GMDS: variants seen among roughly 807,000 people sequenced by gnomAD.
GMDS encodes GDP-mannose 4,6 dehydratase.
GMDS carries 20 observed loss-of-function variants against 49.9 expected under a neutral mutation model. The observed-to-expected ratio is 0.40, with a 90% CI of 0.28 to 0.58. The LOEUF is 0.58. Ranked by LOEUF, GMDS falls within the 20% of genes least tolerant of loss-of-function variation. The pLI, the probability that GMDS is intolerant of heterozygous loss-of-function variation, is 0.42. For synonymous variants in GMDS, 177 were observed against 178.6 expected, an observed-to-expected ratio of 0.99 and a Z score of 0.07; for missense variants, 362 against 481.4, an observed-to-expected ratio of 0.75 and a Z score of 2.32.
intron 2 of GMDS, among the ~76,000 whole-genome samples, chr6:2,122,592 C>T (rs886661337): frequency 1.5e-4 from 23 of 152,306 alleles, no homozygotes; most frequent in Non-Finnish European, 2.9e-4. Flanking sequence ...TTTACTTTGA[C>T]CTAAGCATAA....
intron 4 of GMDS, among the ~76,000 whole-genome samples, chr6:2,035,785 C>T (rs1157866819): frequency 2.0e-5 from 3 of 152,082 alleles, no homozygotes; most frequent in Admixed American, 1.3e-4. Context: ...CTCCCAAGTT[C>T]AAGTGATTCT....
At chr6:2,189,103 T>C (rs1383923159) in intron 1 of GMDS, among the ~76,000 whole-genome samples, 2 of 151,720 alleles carry the variant, frequency 1.3e-5, no homozygotes, top group African/African-American at 4.9e-5. Flanking sequence ...GACTGCAAAA[T>C]ACCAAGTGAG....
At chr6:1,761,415 T>C (rs559861778) in intron 7 of GMDS, among the ~76,000 whole-genome samples, 1 of 152,326 alleles carries the variant, frequency 6.6e-6, no homozygotes, top group African/African-American at 2.4e-5. Flanking sequence ...ACATTTATTT[T>C]TTGGTGACTA....
intron 1 of GMDS, among the ~76,000 whole-genome samples, chr6:2,145,471 G>C (rs1776506747): frequency 1.3e-5 from 2 of 152,004 alleles, no homozygotes; most frequent in African/African-American, 2.4e-5. Context: ...CCAGGAGATG[G>C]AGGTTGCAGT....
chr6:2,200,084 A>T (rs534110607), intron 1 of GMDS, among the ~76,000 whole-genome samples: 19 of 152,324 alleles, frequency 1.2e-4, no homozygotes, highest in African/African-American at 4.3e-4. Context: ...TTAAACAAAT[A>T]TTTATTGCAC....
chr6:1,631,773 C>T (rs1358194466), intron 9 of GMDS, among the ~76,000 whole-genome samples: 5 of 152,206 alleles, frequency 3.3e-5, no homozygotes, highest in African/African-American at 9.6e-5. Context: ...CCCTCAGCCA[C>T]TTCTTAAGCA....
chr6:1,998,483 T>C (rs1048975662), intron 4 of GMDS, among the ~76,000 whole-genome samples: 3 of 152,212 alleles, frequency 2.0e-5, no homozygotes, highest in Admixed American at 2.0e-4. Context: ...ATTACACAAA[T>C]CTGAGGAAAA....
chr6:1,749,342 C>G (rs527980311), intron 7 of GMDS, among the ~76,000 whole-genome samples: 1 of 152,166 alleles, frequency 6.6e-6, no homozygotes, highest in South Asian at 2.1e-4. Context: ...AATCTTAGCA[C>G]TTTGGGAGGC....
At chr6:2,002,421 T>C (rs1766881850) in intron 4 of GMDS, among the ~76,000 whole-genome samples, 1 of 152,216 alleles carries the variant, frequency 6.6e-6, no homozygotes, top group Admixed American at 6.5e-5. Flanking sequence ...AAAAAATGTG[T>C]CAACTTCTGT....
At chr6:1,820,497 G>A (rs1770846353) in intron 7 of GMDS, among the ~76,000 whole-genome samples, 1 of 152,120 alleles carries the variant, frequency 6.6e-6, no homozygotes, top group Non-Finnish European at 1.5e-5. Context: ...ATAAAATTTA[G>A]AATAACTTTT....
chr6:1,928,562 C>T (rs189166249), intron 7 of GMDS, among the ~76,000 whole-genome samples: 14 of 152,260 alleles, frequency 9.2e-5, no homozygotes, highest in Non-Finnish European at 1.6e-4. Context: ...TATCTACTTT[C>T]TCATAATTTC....
chr6:1,858,826 T>C (rs2113780884), intron 7 of GMDS, among the ~76,000 whole-genome samples: 1 of 152,350 alleles, frequency 6.6e-6, no homozygotes, highest in South Asian at 2.1e-4. Flanking sequence ...CAATTTTTGT[T>C]TTTTCCTTAC....
chr6:1,829,422 C>T lies in GMDS; in HGVS notation c.772-86836G>A, dbSNP rs188004872. Reference sequence around the variant, plus strand: ...AGGTTGTTTATCCAAGTTGACCCTACACCCAATTTGTTTTGTTTGTTTTGT... The same window carrying T: ...AGGTTGTTTATCCAAGTTGACCCTATACCCAATTTGTTTTGTTTGTTTTGT... On this transcript the variant is annotated intron_variant, in intron 7 of 10. Transcript: ENST00000380815. 4.7e-4 allele frequency among the ~76,000 whole-genome samples: 72 copies of T among 152,304 alleles called. 1 individual carries two copies. The highest frequency in any genetic ancestry group is 1.6e-3 in the Admixed American group (25 of 15,286).
intron 7 of GMDS, among the ~76,000 whole-genome samples, chr6:1,821,410 G>GGA (rs1025694356): frequency 3.9e-5 from 6 of 151,956 alleles, no homozygotes; most frequent in Non-Finnish European, 5.9e-5. Context: ...TGGGCTTTAG[G>GGA]GAGCAAACTC....
intron 4 of GMDS, among the ~76,000 whole-genome samples, chr6:2,112,575 A>G (rs1254998139): frequency 6.6e-6 from 1 of 152,184 alleles, no homozygotes; most frequent in Non-Finnish European, 1.5e-5. Context: ...TGATGCTACA[A>G]GCTTTACCCA....
intron 4 of GMDS, among the ~76,000 whole-genome samples, chr6:1,999,969 ATTATATATATATTTTATATATATATAT>A (rs1766604551): frequency 9.2e-5 from 1 of 10,890 alleles, no homozygotes; most frequent in Non-Finnish European, 1.9e-4. Context: ...TTATATATAT[ATTATATATATATTTTATATATATATAT>A]TATATATATA....
intron 6 of GMDS, among the ~76,000 whole-genome samples, chr6:1,932,611 C>T (rs1345551911): frequency 8.7e-5 from 13 of 149,894 alleles, no homozygotes; most frequent in Non-Finnish European, 1.6e-4. Context: ...GATCTCGGCT[C>T]ACTGCAAGCT....
At chr6:1,976,995 A>C (rs1764940498) in intron 4 of GMDS, among the ~76,000 whole-genome samples, 1 of 152,184 alleles carries the variant, frequency 6.6e-6, no homozygotes, top group African/African-American at 2.4e-5. Flanking sequence ...CAAGCAAAGC[A>C]CCTGAAGACA....
intron 7 of GMDS, among the ~76,000 whole-genome samples, chr6:1,857,290 T>C (rs1757981269): frequency 6.6e-6 from 1 of 152,244 alleles, no homozygotes; most frequent in African/African-American, 2.4e-5. Flanking sequence ...GTCCGTATGC[T>C]GCGTTCAGTT....
Sources: gnomAD v4.1 joint callset for allele counts (sites outside exome capture counted in the v4.1 genomes callset) on GRCh38, gnomAD v4.1.1 for gene constraint, MANE v1.5 for transcripts, NCBI Gene and HGNC (gene_info 2026-07-23, HGNC 2026-07-21) for gene names.